The following TMEM131 variants were observed in gnomAD, a reference collection of about 807,000 sequenced individuals.
TMEM131 encodes the protein 2610524E03Rik.
A neutral mutation model predicts 211.6 loss-of-function variants in TMEM131; 66 were observed. The ratio of observed to expected loss-of-function variants is 0.31; its 90% CI spans 0.26 to 0.38. The LOEUF (loss-of-function observed/expected upper bound fraction) is 0.38. Ranked by LOEUF, TMEM131 falls within the 10% of genes least tolerant of loss-of-function variation. TMEM131 has a pLI of 1.00. For synonymous variants in TMEM131, 844 were observed against 841.3 expected, an observed-to-expected ratio of 1.00 and a Z score of -0.06; for missense variants, 2,036 against 2,299.3, an observed-to-expected ratio of 0.89 and a Z score of 2.34.
intron 25 of TMEM131, 54 bp downstream of exon 25, chr2:97,801,841 T>A: frequency 7.6e-7 from 1 of 1,321,930 alleles, no homozygotes; most frequent in East Asian, 2.6e-5. Context: ...CATATTTATA[T>A]TGATCATATT....
intron 38 of TMEM131, 62 bp from the exon 39 acceptor site, chr2:97,759,811 C>T: frequency 8.5e-7 from 1 of 1,171,168 alleles, no homozygotes; most frequent in Non-Finnish European, 1.3e-6. Context: ...GCAAACGGAT[C>T]CATAGTGCAC....
intron 31 of TMEM131, among the ~76,000 whole-genome samples, chr2:97,790,425 A>C (rs1680448533): frequency 6.6e-6 from 1 of 152,240 alleles, no homozygotes; most frequent in African/African-American, 2.4e-5. Context: ...GTCTCCTCAC[A>C]GGCTCAAGAG....
chr2:97,991,896 G>C (rs781315205), intron 1 of TMEM131, among the ~76,000 whole-genome samples: 12 of 152,198 alleles, frequency 7.9e-5, no homozygotes, highest in Non-Finnish European at 1.5e-4. Flanking sequence ...AAGCAATCTT[G>C]TTGGCAGATG....
At chr2:97,924,467 T>TG (rs1395930163) in intron 2 of TMEM131, among the ~76,000 whole-genome samples, 2 of 152,124 alleles carry the variant, frequency 1.3e-5, no homozygotes, top group East Asian at 1.9e-4. Flanking sequence ...GGTCAGGACA[T>TG]GGGGGTCCAC....
At chr2:97,801,872 T>G (rs371609768) in intron 25 of TMEM131, 23 bp downstream of exon 25, 39 of 1,497,148 alleles carry the variant, frequency 2.6e-5, no homozygotes, top group Non-Finnish European at 3.3e-5. Context: ...TTCTTTGGAA[T>G]AGTATGAAGT....
chr2:97,865,880 G>C (rs1444750367), intron 4 of TMEM131, among the ~76,000 whole-genome samples: 1 of 152,096 alleles, frequency 6.6e-6, no homozygotes, highest in East Asian at 1.9e-4. Context: ...TTTCTGGCAA[G>C]TTTTTGTTTT....
intron 35 of TMEM131, 25 bp downstream of exon 35, chr2:97,766,089 G>A: frequency 6.2e-7 from 1 of 1,612,700 alleles, no homozygotes; most frequent in Non-Finnish European, 8.5e-7. Context: ...GTGGAGCCCT[G>A]TGGTTTCTAA....
At chr2:97,799,462 T>C (rs2104914692) in intron 25 of TMEM131, among the ~76,000 whole-genome samples, 1 of 152,350 alleles carries the variant, frequency 6.6e-6, no homozygotes. Flanking sequence ...TCTGAAAGAA[T>C]GACAGACAGT....
At chr2:97,769,985 T>C (rs2104794587) in intron 33 of TMEM131, among the ~76,000 whole-genome samples, 1 of 152,374 alleles carries the variant, frequency 6.6e-6, no homozygotes, top group African/African-American at 2.4e-5. Flanking sequence ...TCTGGCTTTA[T>C]CACCTCTCAC....
At chr2:97,897,458 A>C (rs72942871) in intron 3 of TMEM131, among the ~76,000 whole-genome samples, 3,825 of 152,190 alleles carry the variant, frequency 0.025, 164 homozygotes, top group African/African-American at 0.088. Context: ...CTCTATTCTT[A>C]ATGTGCTGAA....
chr2:97,890,562 G>A (rs1253377077), intron 3 of TMEM131, among the ~76,000 whole-genome samples: 2 of 152,182 alleles, frequency 1.3e-5, no homozygotes, highest in African/African-American at 4.8e-5. Flanking sequence ...GTCTTATCTA[G>A]ATGGAGATGT....
intron 33 of TMEM131, 143 bp downstream of exon 33, chr2:97,772,154 G>A (rs1679496453): frequency 2.2e-6 from 2 of 908,512 alleles, no homozygotes; most frequent in Admixed American, 2.5e-5. Flanking sequence ...AATCCCAAGA[G>A]GAATGTGACG....
At position 97,814,277 on chromosome 2, in the gene TMEM131, A is replaced by AATGAGG; in HGVS notation, c.1398_1403dup (p.Leu467_Ile468dup). ...CTTCTTCTGGTAGCAACACATCGTGAATGAGGATCGCAAAACTGAAAGTGT... is the reference window on the plus strand; with the variant it reads ...CTTCTTCTGGTAGCAACACATCGTGAATGAGGATGAGGATCGCAAAACTGAAAGTGT... On this transcript the variant is annotated inframe_insertion, in exon 14 of 41. Transcript: ENST00000186436. 6.2e-7 allele frequency: 1 copy of AATGAGG among 1,613,946 alleles called. No homozygotes were observed. The highest frequency in any genetic ancestry group is 8.5e-7 in the Non-Finnish European group (1 of 1,179,866).
chr2:97,759,512 G>T, intron 39 of TMEM131, 140 bp downstream of exon 39: 1 of 697,468 alleles, frequency 1.4e-6, no homozygotes, highest in Non-Finnish European at 2.4e-6. Context: ...AAGAGGGGAG[G>T]GGACCCTTCC....
chr2:97,926,504 T>C (rs766998989), intron 2 of TMEM131, among the ~76,000 whole-genome samples: 4 of 152,212 alleles, frequency 2.6e-5, no homozygotes, highest in Non-Finnish European at 5.9e-5. Flanking sequence ...AGGGGCCATA[T>C]ACTACATTAT....
At chr2:97,760,452 A>G (rs1487325933) in intron 38 of TMEM131, 141 bp downstream of exon 38, 6 of 774,864 alleles carry the variant, frequency 7.7e-6, no homozygotes, top group East Asian at 2.7e-5. Flanking sequence ...ATGATTTCTT[A>G]GAGGCACTTG....
At chr2:97,979,195 C>T (rs753886310) in intron 1 of TMEM131, among the ~76,000 whole-genome samples, 2 of 152,180 alleles carry the variant, frequency 1.3e-5, no homozygotes, top group African/African-American at 2.4e-5. Flanking sequence ...CTTTCTTGTT[C>T]CAGTTATAAA....
At chr2:97,898,007 A>C (rs1675687952) in intron 3 of TMEM131, among the ~76,000 whole-genome samples, 1 of 152,114 alleles carries the variant, frequency 6.6e-6, no homozygotes, top group Non-Finnish European at 1.5e-5. Context: ...AGGGATTCAT[A>C]ATTTCTCTTA....
intron 4 of TMEM131, among the ~76,000 whole-genome samples, chr2:97,864,352 T>C (rs1347445789): frequency 3.9e-5 from 6 of 152,174 alleles, no homozygotes. Context: ...AAAAATTAAC[T>C]GTACCTTTTA....
Sources: allele counts gnomAD v4.1 joint callset (sites outside exome capture counted in the v4.1 genomes callset), GRCh38; gene constraint gnomAD v4.1.1; transcripts MANE v1.5; gene names NCBI Gene and HGNC (gene_info 2026-07-23, HGNC 2026-07-21).